The following USP16 variants were observed in gnomAD, a reference collection of about 807,000 sequenced individuals.
The protein encoded by USP16 is ubiquitin carboxyl-terminal hydrolase 16.
USP16 carries 77 observed loss-of-function variants against 95.9 expected under a neutral mutation model. The observed-to-expected ratio is 0.80, with a 90% confidence interval of 0.67 to 0.97. USP16 has a LOEUF of 0.97. USP16 is among the 50% of genes least tolerant of loss of function. USP16 has a pLI of 0.00. For missense variants in USP16, 943 were observed against 959.9 expected (o/e 0.98, Z 0.23); for synonymous variants, 303 against 318.2 (o/e 0.95, Z 0.51).
In USP16 at chr21:29,053,955, C is replaced by G. The variant is rs2146407212; in HGVS notation, c.2347C>G (p.Gln783Glu). The G allele has an allele frequency of 6.2e-7, 1 of 1,614,102 alleles. No homozygotes were observed. Among genetic ancestry groups the G allele is most frequent in the East Asian group, 2.2e-5 (1 of 44,886 alleles). Residue 783 changes from glutamine to glutamate, a missense_variant, in exon 17 of 18, where the codon CAA (glutamine) becomes GAA (glutamate). Gln to Glu is a conservative substitution (Grantham distance 29). Transcript: ENST00000399976. ...SNLVLHGDIP[Q>E]DFEMESKGQW... is the part of the protein sequence containing the mutation. ...TCTTGTTCTTCACGGTGATATTCCACAAGGTAAGATGTCTTGGAAAATTCA... is the reference window on the plus strand; with the variant it reads ...TCTTGTTCTTCACGGTGATATTCCAGAAGGTAAGATGTCTTGGAAAATTCA...
intron 16 of USP16, 101 bp from the exon 17 acceptor site, chr21:29,053,701 G>C: frequency 8.2e-7 from 1 of 1,224,582 alleles, no homozygotes; most frequent in Non-Finnish European, 1.1e-6. Context: ...CACTCTCAAA[G>C]TAATGGTTAA....
chr21:29,035,025 G>A, intron 4 of USP16, 85 bp downstream of exon 4: 1 of 1,334,622 alleles, frequency 7.5e-7, no homozygotes, highest in Non-Finnish European at 1.0e-6. Flanking sequence ...TAAGAAGAAA[G>A]CAATTTAAAA....
chr21:29,048,097 G>GTGTT (rs1245926523), intron 14 of USP16, among the ~76,000 whole-genome samples: 3 of 124,854 alleles, frequency 2.4e-5, no homozygotes, highest in Non-Finnish European at 3.5e-5. Context: ...GTGTGTGTGT[G>GTGTT]TTTTGAGACA....
intron 15 of USP16, among the ~76,000 whole-genome samples, 183 bp from the exon 16 acceptor site, chr21:29,049,909 G>A (rs1201703404): frequency 6.6e-6 from 1 of 152,150 alleles, no homozygotes; most frequent in Non-Finnish European, 1.5e-5. Flanking sequence ...TGTGATACAT[G>A]TGTACTTAGC....
At chr21:29,049,906 C>T (rs2085388014) in intron 15 of USP16, among the ~76,000 whole-genome samples, 186 bp from the exon 16 acceptor site, 1 of 152,116 alleles carries the variant, frequency 6.6e-6, no homozygotes, top group Non-Finnish European at 1.5e-5. Context: ...TTGTGTGATA[C>T]ATGTGTACTT....
At chr21:29,046,485 G>T (rs2085324860) in intron 13 of USP16, among the ~76,000 whole-genome samples, 182 bp from the exon 14 acceptor site, 1 of 152,058 alleles carries the variant, frequency 6.6e-6, no homozygotes, top group Admixed American at 6.6e-5. Flanking sequence ...GATAGCAAAG[G>T]AACTTTTTAG....
chr21:29,046,928 A>G lies in USP16; in HGVS notation c.1618A>G (p.Ile540Val). 1 of 1,614,188 alleles carries G rather than the reference A, an allele frequency of 6.2e-7. No individual in the cohort carries two copies. The highest frequency in any genetic ancestry group is 8.5e-7 in the Non-Finnish European group (1 of 1,180,020). The change falls in exon 14 of 18, where the codon ATC (isoleucine) becomes GTC (valine). Residue 540 changes from isoleucine (I) to valine (V), a missense_variant. Coordinates refer to ENST00000399976, the MANE Select transcript of USP16 (RefSeq NM_006447.3). ...CACAGAGGAAGTAGATATGAAAAAT[A>G]TCAACATGGATAATGATCTGGAGGT... The part of the protein sequence containing the change: ...KSTEEVDMKN[I>V]NMDNDLEVLT...
At chr21:29,034,985 T>C (rs1352850319) in intron 4 of USP16, 45 bp downstream of exon 4, 1 of 1,536,088 alleles carries the variant, frequency 6.5e-7, no homozygotes, top group Admixed American at 1.8e-5. Flanking sequence ...TTATTTGAAA[T>C]ATTAGAGAAT....
chr21:29,043,813 G>A (rs1219341306), intron 13 of USP16, among the ~76,000 whole-genome samples: 3 of 151,942 alleles, frequency 2.0e-5, no homozygotes, highest in African/African-American at 7.3e-5. Flanking sequence ...TTTAAATCCT[G>A]CATTGCTTGT....
chr21:29,033,083 T>G (rs2085101083), intron 3 of USP16, among the ~76,000 whole-genome samples: 1 of 152,244 alleles, frequency 6.6e-6, no homozygotes, highest in Non-Finnish European at 1.5e-5. Flanking sequence ...TTTAAATACA[T>G]ATGGTGAGTA....
At chr21:29,034,814 G>A (rs2085129963) in intron 3 of USP16, 23 bp from the exon 4 acceptor site, 8 of 1,612,574 alleles carry the variant, frequency 5.0e-6, no homozygotes, top group Non-Finnish European at 5.1e-6. Flanking sequence ...TGGCTTTGAG[G>A]TTTATGATTA....
At chr21:29,035,643 A>G (rs1471824905) in intron 4 of USP16, among the ~76,000 whole-genome samples, 6 of 152,072 alleles carry the variant, frequency 3.9e-5, no homozygotes, top group African/African-American at 1.2e-4. Context: ...TCAGCCTCCC[A>G]AAGTGCTGGG....
chr21:29,047,930 T>TTATATGTGTGTGTATGTATATATA (rs1243185477), intron 14 of USP16, among the ~76,000 whole-genome samples: 23 of 151,660 alleles, frequency 1.5e-4, no homozygotes, highest in Non-Finnish European at 7.4e-5. Flanking sequence ...TGTATGTATC[T>TTATATGTGTGTGTATGTATATATA]TATATGTGTG....
chr21:29,038,012 A>C (rs1185520146), intron 6 of USP16, among the ~76,000 whole-genome samples: 1 of 152,368 alleles, frequency 6.6e-6, no homozygotes, highest in Middle Eastern at 3.4e-3. Context: ...GAGGAAACAC[A>C]GGATAACCTC....
intron 3 of USP16, among the ~76,000 whole-genome samples, chr21:29,031,759 G>A (rs536328968): frequency 2.0e-5 from 3 of 152,208 alleles, no homozygotes; most frequent in Non-Finnish European, 4.4e-5. Context: ...GTTTTTTCAC[G>A]TTTTCAAATT....
chr21:29,037,564 T>A lies in USP16; in HGVS notation c.636+101T>A, dbSNP rs2085177900. Reference sequence around the variant, plus strand: ...TTTCCACCTGAGTAATTTATTTCTATGTATCCAAAGAAAACTTTTTTTTTT... The same window carrying A: ...TTTCCACCTGAGTAATTTATTTCTAAGTATCCAAAGAAAACTTTTTTTTTT... On this transcript the variant is annotated intron_variant, in intron 6 of 17. Coordinates refer to ENST00000399976, the MANE Select transcript of USP16 (RefSeq NM_006447.3). 6.4e-6 allele frequency: 6 copies of A among 943,120 alleles called. No homozygotes were observed. In the East Asian group the frequency reaches 1.8e-4, roughly 29 times the overall value. The allele number at this position is 943,120 out of a possible 1,614,324, so 58.4% of individuals were successfully genotyped here. A position where few individuals can be genotyped will look rare whatever the true frequency, so the allele number is the denominator to read the frequency against.
In USP16 at chr21:29,036,327, T is replaced by C. The variant is rs1232955772; in HGVS notation, c.401T>C (p.Val134Ala). 2 of 1,613,858 alleles carry C rather than the reference T, an allele frequency of 1.2e-6. No homozygotes were observed. Among genetic ancestry groups the C allele is most frequent in the Non-Finnish European group, 1.7e-6 (2 of 1,179,942 alleles). Residue 134 changes from valine (V) to alanine (A), a missense_variant, in exon 5 of 18, where the codon GTG becomes GCG. Coordinates refer to ENST00000399976, the MANE Select transcript of USP16 (RefSeq NM_006447.3). ...TGTAGTTCAAACCAGTTGGGTCAAGTGGTTGATTATGTCAGAAAACAAGCC... is the reference window on the plus strand; with the variant it reads ...TGTAGTTCAAACCAGTTGGGTCAAGCGGTTGATTATGTCAGAAAACAAGCC... ...QYCSSNQLGQ[V>A]VDYVRKQASI...
chr21:29,044,191 G>A (rs1469890505), intron 13 of USP16, among the ~76,000 whole-genome samples: 2 of 151,918 alleles, frequency 1.3e-5, no homozygotes, highest in African/African-American at 4.8e-5. Flanking sequence ...TCCTCAGCCT[G>A]CCAAAGTGCT....
chr21:29,038,670 T>C (rs1469426424), intron 7 of USP16, among the ~76,000 whole-genome samples: 1 of 152,250 alleles, frequency 6.6e-6, no homozygotes, highest in Non-Finnish European at 1.5e-5. Flanking sequence ...AATGTGTATA[T>C]GTTTGAGAAG....
Sources: allele counts gnomAD v4.1 joint callset (sites outside exome capture counted in the v4.1 genomes callset), GRCh38; gene constraint gnomAD v4.1.1; transcripts MANE v1.5; gene names NCBI Gene and HGNC (gene_info 2026-07-23, HGNC 2026-07-21).